Variants in GIT2 observed in about 807,000 individuals in gnomAD.
GIT2 encodes the protein ARF GTPase-activating protein GIT2.
A neutral mutation model predicts 100.3 loss-of-function variants in GIT2; 32 were observed. The observed-to-expected ratio is 0.32, with a 90% confidence interval of 0.24 to 0.43. The LOEUF (loss-of-function observed/expected upper bound fraction) is 0.43. Among genes scored for constraint, GIT2 ranks in the 20% least tolerant of loss-of-function variants. The pLI, the probability that GIT2 is intolerant of heterozygous loss-of-function variation, is 1.00. For synonymous variants in GIT2, 353 were observed against 364.1 expected (o/e 0.97, Z 0.35); for missense variants, 737 against 975.1 (o/e 0.76, Z 3.25).
chr12:109,939,292 T>TC, intron 16 of GIT2, 45 bp from the exon 17 acceptor site: 2 of 1,082,060 alleles, frequency 1.8e-6, no homozygotes, highest in Non-Finnish European at 2.9e-6. Flanking sequence ...AACATGAGAC[T>TC]CTTCTCAGGA....
chr12:109,986,308 A>G (rs2136889585), intron 4 of GIT2, among the ~76,000 whole-genome samples: 1 of 152,314 alleles, frequency 6.6e-6, no homozygotes, highest in East Asian at 1.9e-4. Flanking sequence ...ACAAAATATT[A>G]GCAAACCAAA....
chr12:109,968,064 G>A (rs988209610), intron 7 of GIT2, among the ~76,000 whole-genome samples: 3 of 152,174 alleles, frequency 2.0e-5, no homozygotes, highest in African/African-American at 7.2e-5. Context: ...TTTAACATAA[G>A]TCTATCTTTC....
chr12:109,986,491 GTGGTGGC>G (rs1887404792), intron 4 of GIT2, among the ~76,000 whole-genome samples: 2 of 152,192 alleles, frequency 1.3e-5, no homozygotes, highest in South Asian at 4.1e-4. Context: ...ATGGCCGGGC[GTGGTGGC>G]TTACGCCTGT....
At chr12:109,963,910 C>T (rs1166423334) in intron 9 of GIT2, among the ~76,000 whole-genome samples, 2 of 152,106 alleles carry the variant, frequency 1.3e-5, no homozygotes, top group Non-Finnish European at 2.9e-5. Flanking sequence ...CACAGGGAGG[C>T]TAGGAAGCTT....
upstream of GIT2, chr12:109,999,586 C>T (rs1889832511): frequency 4.1e-6 from 4 of 976,530 alleles, no homozygotes; most frequent in Non-Finnish European, 5.7e-6. This position sits in a 1 kb window ranked among gnomAD's most constrained non-coding sequence, Gnocchi z 4.3. Context: ...ACGCCCTACG[C>T]TCGCTTGCTC....
chr12:109,951,580 C>T (rs993180331), intron 13 of GIT2, among the ~76,000 whole-genome samples: 2 of 152,178 alleles, frequency 1.3e-5, no homozygotes, highest in Non-Finnish European at 2.9e-5. Context: ...GGAGGTCTGT[C>T]CTGTCTTGTA....
rs539188625 is a variant in GIT2 at position 109,944,118 on chromosome 12, G to A, written c.1731+1142C>T. 2.0e-3 allele frequency among the ~76,000 whole-genome samples: 301 copies of A among 152,302 alleles called. 3 individuals carry two copies. The highest frequency in any genetic ancestry group is 6.9e-3 in the African/African-American group (286 of 41,570). ...GCCCAGGAGTTTGAGGCTGCAGTAC[G>A]CTATGACCATGCCTGTAAATAGCTA... On this transcript the variant is annotated intron_variant, in intron 16 of 19. Coordinates refer to ENST00000355312, the MANE Select transcript of GIT2 (RefSeq NM_057169.5).
upstream of GIT2, chr12:109,998,831 T>C (rs756605833): frequency 6.6e-6 from 1 of 151,874 alleles, no homozygotes; most frequent in Admixed American, 6.6e-5. Flanking sequence ...GCTACTGGCA[T>C]TGAGTGGGGA....
intron 7 of GIT2, among the ~76,000 whole-genome samples, chr12:109,980,210 A>G (rs1593119377): frequency 6.6e-6 from 1 of 151,974 alleles, no homozygotes; most frequent in East Asian, 1.9e-4. Context: ...CTACAGGCGC[A>G]CACCACCATG....
upstream of GIT2, chr12:109,998,007 C>G (rs1177015591): frequency 1.3e-5 from 2 of 152,178 alleles, no homozygotes; most frequent in Non-Finnish European, 2.9e-5. Flanking sequence ...GTTTTAGATA[C>G]TCTGGTAAGC....
At position 109,961,428 on chromosome 12, in the gene GIT2, C is replaced by A; in HGVS notation, c.890-53G>T. 5.1e-6 allele frequency: 6 copies of A among 1,172,794 alleles called. No homozygotes were observed. In the South Asian group the frequency reaches 7.3e-5, roughly 14 times the overall value. The allele number at this position is 1,172,794 out of a possible 1,614,324, so 72.6% of individuals were successfully genotyped here. A position where few individuals can be genotyped will look rare whatever the true frequency, so the allele number is the denominator to read the frequency against. ...ACCTCATCACGCCTGTGTGCCACTGCTCCTGGGAGGCACAGCTCACGCACT... is the reference window on the plus strand; with the variant it reads ...ACCTCATCACGCCTGTGTGCCACTGATCCTGGGAGGCACAGCTCACGCACT... On this transcript the variant is annotated intron_variant, in intron 10 of 19. Coordinates refer to ENST00000355312, the MANE Select transcript of GIT2 (RefSeq NM_057169.5).
At chr12:109,940,992 G>T (rs1308493334) in intron 16 of GIT2, among the ~76,000 whole-genome samples, 1 of 151,322 alleles carries the variant, frequency 6.6e-6, no homozygotes, top group Non-Finnish European at 1.5e-5. Context: ...GTGGGTACAG[G>T]CAAGGCAGCC....
intron 4 of GIT2, among the ~76,000 whole-genome samples, chr12:109,985,907 C>T (rs1172858151): frequency 1.3e-5 from 2 of 151,692 alleles, no homozygotes; most frequent in Non-Finnish European, 2.9e-5. Flanking sequence ...TGGCACATGC[C>T]TGAGATCTCA....
intron 8 of GIT2, 57 bp downstream of exon 8, chr12:109,967,401 T>A: frequency 6.6e-7 from 1 of 1,510,908 alleles, no homozygotes; most frequent in Non-Finnish European, 9.2e-7. Flanking sequence ...TTAAACATAA[T>A]ACAACCAAGG....
chr12:109,952,558 T>A (rs781023809), intron 13 of GIT2: 7 of 519,050 alleles, frequency 1.3e-5, no homozygotes, highest in African/African-American at 1.3e-4. Context: ...GCTGTCCCTA[T>A]GCATGACCAG....
intron 7 of GIT2, among the ~76,000 whole-genome samples, chr12:109,979,130 T>A (rs1885751822): frequency 6.6e-6 from 1 of 152,108 alleles, no homozygotes; most frequent in Admixed American, 6.6e-5. Flanking sequence ...CTGCTGCTGC[T>A]GCTATTGCAG....
intron 12 of GIT2, among the ~76,000 whole-genome samples, chr12:109,954,896 C>CA (rs1158089528): frequency 0.036 from 3,761 of 105,032 alleles, 115 homozygotes; most frequent in African/African-American, 0.088. Flanking sequence ...GACTCTGTCT[C>CA]AAAAAAAAAA....
intron 18 of GIT2, among the ~76,000 whole-genome samples, chr12:109,936,615 C>T (rs1873068352): frequency 6.6e-6 from 1 of 152,210 alleles, no homozygotes; most frequent in Admixed American, 6.5e-5. Context: ...CGCCTGTAAT[C>T]TCAGCACTTT....
intron 7 of GIT2, among the ~76,000 whole-genome samples, chr12:109,970,000 C>T (rs998569994): frequency 6.6e-6 from 1 of 152,176 alleles, no homozygotes; most frequent in South Asian, 2.1e-4. Flanking sequence ...AGGTGATCCA[C>T]CCGCCTTGAC....
Sources: allele counts gnomAD v4.1 joint callset (sites outside exome capture counted in the v4.1 genomes callset), GRCh38; gene constraint gnomAD v4.1.1; non-coding constraint Gnocchi (gnomAD v3.1); transcripts MANE v1.5; gene names NCBI Gene and HGNC (gene_info 2026-07-23, HGNC 2026-07-21).